The following NDNF variants were observed in gnomAD, a reference collection of about 807,000 sequenced individuals.
The protein encoded by NDNF is protein NDNF.
In NDNF, 16 loss-of-function variants were observed where a neutral mutation model predicts 42.0. The ratio of observed to expected loss-of-function variants is 0.38; its 90% confidence interval spans 0.26 to 0.58. The LOEUF is 0.58. NDNF is among the 20% of genes least tolerant of loss of function. NDNF has a pLI of 0.67. For synonymous variants in NDNF, 248 were observed against 251.7 expected, an observed-to-expected ratio of 0.99 and a Z score of 0.14; for missense variants, 616 against 666.2, an observed-to-expected ratio of 0.92 and a Z score of 0.83.
intron 1 of NDNF, 98 bp from the exon 2 acceptor site, chr4:121,045,936 G>T: frequency 9.2e-7 from 1 of 1,089,218 alleles, no homozygotes; most frequent in South Asian, 2.2e-5. Flanking sequence ...AGCTTTGATG[G>T]AAATTTAGGG....
chr4:121,040,163 T>C, intron 2 of NDNF, 109 bp from the exon 3 acceptor site: 1 of 1,109,314 alleles, frequency 9.0e-7, no homozygotes, highest in Non-Finnish European at 1.3e-6. Flanking sequence ...TTTATAAATT[T>C]TATAAAATTT....
intron 1 of NDNF, 160 bp downstream of exon 1, chr4:121,071,833 C>A (rs1416065782): frequency 6.6e-6 from 1 of 150,852 alleles, no homozygotes; most frequent in Non-Finnish European, 1.5e-5. Context: ...ACGGATAGGG[C>A]GCCCTTGAGA....
intron 3 of NDNF, among the ~76,000 whole-genome samples, chr4:121,039,601 T>C (rs1288085403): frequency 6.6e-6 from 1 of 152,042 alleles, no homozygotes. Flanking sequence ...CTTTGCAAGA[T>C]CTAGGCATCA....
chr4:121,058,764 C>G (rs953442271), intron 1 of NDNF, among the ~76,000 whole-genome samples: 5 of 152,124 alleles, frequency 3.3e-5, no homozygotes, highest in African/African-American at 1.2e-4. Flanking sequence ...CTCAAATTAT[C>G]CACTTATTGC....
chr4:121,071,919 T>TC (rs1238379264), intron 1 of NDNF, 74 bp downstream of exon 1: 1 of 151,970 alleles, frequency 6.6e-6, no homozygotes, highest in African/African-American at 2.4e-5. Context: ...GCGTGAACGC[T>TC]CCTTGTGCTA....
At position 121,037,589 on chromosome 4, in the gene NDNF, A is replaced by G; in HGVS notation, c.382T>C (p.Tyr128His). The stretch of plus-strand genomic sequence containing the variant: ...AAATACTCAACATCATTGCCTTTGT[A>G]GGAGAATAACTCAGTGCCTTCCTCA... ...INEEGTELFSYKGNDVEYFIS... is the reference protein window; with the variant it reads ...INEEGTELFSHKGNDVEYFIS... The change falls in exon 4 of 4, where the codon TAC (tyrosine) becomes CAC (histidine). Residue 128 changes from tyrosine (Y) to histidine (H), a missense_variant. Physicochemically the swap from Tyr to His is moderately conservative, Grantham distance 83 (BLOSUM62 2). Transcript: ENST00000379692. The G allele has an allele frequency of 6.2e-7, 1 of 1,611,334 alleles. No homozygotes were observed. The highest frequency in any genetic ancestry group is 8.5e-7 in the Non-Finnish European group (1 of 1,179,558).
intron 1 of NDNF, among the ~76,000 whole-genome samples, chr4:121,070,517 C>A (rs529944761): frequency 2.6e-5 from 4 of 151,680 alleles, no homozygotes; most frequent in Non-Finnish European, 4.4e-5. Context: ...GGAGGAGGTG[C>A]GGAGATTCCC....
intron 1 of NDNF, among the ~76,000 whole-genome samples, chr4:121,056,173 A>G (rs963938229): frequency 6.6e-6 from 1 of 152,230 alleles, no homozygotes; most frequent in African/African-American, 2.4e-5. Flanking sequence ...TTTGGAAAGA[A>G]GCACCATCCC....
chr4:121,041,690 G>C (rs1482056941), intron 2 of NDNF, among the ~76,000 whole-genome samples: 1 of 152,240 alleles, frequency 6.6e-6, no homozygotes, highest in Admixed American at 6.5e-5. Flanking sequence ...TGAAAGTGGA[G>C]GTATGGGAAA....
At chr4:121,067,053 G>T (rs1159953550) in intron 1 of NDNF, among the ~76,000 whole-genome samples, 2 of 152,096 alleles carry the variant, frequency 1.3e-5, no homozygotes, top group East Asian at 1.9e-4. Context: ...TTATAATTTG[G>T]TTTTTATATT....
chr4:121,041,616 A>G (rs984417030), intron 2 of NDNF, among the ~76,000 whole-genome samples: 12 of 152,220 alleles, frequency 7.9e-5, no homozygotes, highest in African/African-American at 2.7e-4. Context: ...TGGAAATCAC[A>G]TAGTACATTT....
chr4:121,040,450 G>A (rs1465505716), intron 2 of NDNF, among the ~76,000 whole-genome samples: 1 of 152,132 alleles, frequency 6.6e-6, no homozygotes. Flanking sequence ...TTGCCCTATA[G>A]GTGCCATGCT....
chr4:121,059,996 A>T (rs1727375316), intron 1 of NDNF, among the ~76,000 whole-genome samples: 1 of 152,146 alleles, frequency 6.6e-6, no homozygotes, highest in African/African-American at 2.4e-5. Flanking sequence ...TAGGATTTTC[A>T]TCTCTAGGAT....
chr4:121,052,578 G>C (rs1727218027), intron 1 of NDNF, among the ~76,000 whole-genome samples: 1 of 152,076 alleles, frequency 6.6e-6, no homozygotes, highest in African/African-American at 2.4e-5. Context: ...TGTCACATTT[G>C]ATAATAAATC....
In NDNF at chr4:121,039,143, G is replaced by GTATATATATATATACGTATATATATA. The variant is rs1386847891; in HGVS notation, c.313+786_313+787insTATATATATACGTATATATATATATA. Among the ~76,000 whole-genome samples the GTATATATATATATACGTATATATATA allele has an allele frequency of 1.6e-3, 59 of 37,698 alleles. 9 individuals are homozygous for GTATATATATATATACGTATATATATA. Among genetic ancestry groups the GTATATATATATATACGTATATATATA allele is most frequent in the East Asian group, 9.1e-3 (6 of 660 alleles). 24.7% of individuals were successfully genotyped at this position (37,698 alleles called of 152,430 possible). On this transcript the variant is annotated intron_variant, in intron 3 of 3. Coordinates refer to ENST00000379692, the MANE Select transcript of NDNF (RefSeq NM_024574.4). ...TACGTATACATAGTTATATATATAT[G>GTATATATATATATACGTATATATATA]TGTATATATATATGTATATATATAT...
intron 3 of NDNF, among the ~76,000 whole-genome samples, chr4:121,039,154 T>C (rs895867347): frequency 9.8e-5 from 4 of 40,864 alleles, no homozygotes; most frequent in Non-Finnish European, 2.5e-4. Context: ...TGTATATATA[T>C]ATGTATATAT....
chr4:121,062,072 G>A (rs759298340), intron 1 of NDNF, among the ~76,000 whole-genome samples: 7 of 152,286 alleles, frequency 4.6e-5, no homozygotes, highest in African/African-American at 7.2e-5. Flanking sequence ...CAAAAAACAC[G>A]TCTTGACTTG....
Position 121,061,894 on chromosome 4 carries a change from T to C in NDNF, c.-2+10099A>G, listed in dbSNP as rs998591970. Among the ~76,000 whole-genome samples, 4 of 152,310 alleles carry C rather than the reference T, an allele frequency of 2.6e-5. No individual in the cohort carries two copies. The East Asian group carries it at 5.8e-4, about 22-fold the overall frequency. ...CTTTGAGTGAGCCTCTTAATCCCCTTCAAGCTCAATTACCTCATCTACAAA... is the reference window on the plus strand; with the variant it reads ...CTTTGAGTGAGCCTCTTAATCCCCTCCAAGCTCAATTACCTCATCTACAAA... On this transcript the variant is annotated intron_variant, in intron 1 of 3. Coordinates refer to ENST00000379692, the MANE Select transcript of NDNF (RefSeq NM_024574.4).
At chr4:121,046,960 T>C (rs1261778475) in intron 1 of NDNF, among the ~76,000 whole-genome samples, 1 of 152,244 alleles carries the variant, frequency 6.6e-6, no homozygotes, top group Non-Finnish European at 1.5e-5. Flanking sequence ...CCTTTACCTC[T>C]TTGACTTAAC....
Sources: gnomAD v4.1 joint callset for allele counts (sites outside exome capture counted in the v4.1 genomes callset) on GRCh38, gnomAD v4.1.1 for gene constraint, MANE v1.5 for transcripts, NCBI Gene and HGNC (gene_info 2026-07-23, HGNC 2026-07-21) for gene names.